The following SDK1 variants were observed in gnomAD, a reference collection of about 807,000 sequenced individuals.
SDK1 encodes the protein sidekick cell adhesion molecule 1.
Under a neutral mutation model 245.5 loss-of-function variants are expected in SDK1, and 157 were observed. The observed-to-expected ratio is 0.64, with a 90% CI of 0.56 to 0.73. The LOEUF (loss-of-function observed/expected upper bound fraction) is 0.73. Ranked by LOEUF, SDK1 falls within the 30% of genes least tolerant of loss-of-function variation. SDK1 has a pLI of 0.00. For missense variants in SDK1, 3,583 were observed against 3,002.3 expected (o/e 1.19, Z -4.52); for synonymous variants, 1,647 against 1,278.5 (o/e 1.29, Z -6.15).
intron 40 of SDK1, among the ~76,000 whole-genome samples, chr7:4,223,467 G>T (rs1159279838): frequency 6.6e-6 from 1 of 152,214 alleles, no homozygotes; most frequent in African/African-American, 2.4e-5. Context: ...GGGAGGATCT[G>T]TTTCCTGTAA....
chr7:3,872,039 A>T (rs1317872581), intron 5 of SDK1, among the ~76,000 whole-genome samples: 2 of 150,104 alleles, frequency 1.3e-5, no homozygotes, highest in African/African-American at 5.0e-5. Flanking sequence ...TCTTGCATCT[A>T]TTGAGATGAT....
intron 5 of SDK1, among the ~76,000 whole-genome samples, chr7:3,841,390 A>G (rs1256010406): frequency 6.6e-6 from 1 of 152,156 alleles, no homozygotes; most frequent in African/African-American, 2.4e-5. Flanking sequence ...GTTGCAGCTC[A>G]GGGCCCAGGA....
intron 1 of SDK1, among the ~76,000 whole-genome samples, chr7:3,465,318 C>T (rs1299582580): frequency 6.6e-6 from 1 of 152,068 alleles, no homozygotes; most frequent in African/African-American, 2.4e-5. Flanking sequence ...ATTTCCATAA[C>T]ACATACAAAT....
rs150686181 is a variant in SDK1 at position 3,927,098 on chromosome 7, C to G, written c.848-23825C>G. Among the ~76,000 whole-genome samples the G allele has an allele frequency of 9.8e-5, 15 of 152,294 alleles. No individual in the cohort carries two copies. In the East Asian group the frequency reaches 2.7e-3, roughly 27 times the overall value. ...GTGATGGGCAGGTAGGGCTGACACT[C>G]TGTTCTCCAGTGTAGATTTCATAGT... On this transcript the variant is annotated intron_variant, in intron 5 of 44. Coordinates refer to ENST00000404826, the MANE Select transcript of SDK1 (RefSeq NM_152744.4).
Position 4,177,698 on chromosome 7 carries a change from G to A in SDK1, c.4997-787G>A, listed in dbSNP as rs576270530. The stretch of plus-strand genomic sequence containing the variant: ...AGACAATTTTTCCATAGACCAGGTG[G>A]TAGGGGATGGTTTTGGGAGGATTCA... On this transcript the variant is annotated intron_variant, in intron 34 of 44. Coordinates refer to ENST00000404826, the MANE Select transcript of SDK1 (RefSeq NM_152744.4). 9.3e-4 allele frequency among the ~76,000 whole-genome samples: 142 copies of A among 152,236 alleles called. 1 individual carries two copies. Among genetic ancestry groups the A allele is most frequent in the Non-Finnish European group, 1.9e-3 (128 of 68,044 alleles).
intron 1 of SDK1, among the ~76,000 whole-genome samples, chr7:3,497,675 A>T (rs953585665): frequency 6.6e-6 from 1 of 152,228 alleles, no homozygotes; most frequent in Non-Finnish European, 1.5e-5. Flanking sequence ...AGTAAGATGG[A>T]GTAAAAGAGG....
intron 1 of SDK1, among the ~76,000 whole-genome samples, chr7:3,334,299 C>CT (rs1271952448): frequency 2.6e-5 from 4 of 152,180 alleles, no homozygotes; most frequent in African/African-American, 9.7e-5. Context: ...GACTTGTTTG[C>CT]TGATGAAAGC....
At chr7:3,645,023 C>G (rs139171861) in intron 4 of SDK1, among the ~76,000 whole-genome samples, 1 of 152,198 alleles carries the variant, frequency 6.6e-6, no homozygotes, top group African/African-American at 2.4e-5. Context: ...TGGAAGAATT[C>G]TTTCAACTTA....
intron 28 of SDK1, among the ~76,000 whole-genome samples, chr7:4,139,691 A>T (rs942225196): frequency 4.5e-5 from 5 of 110,520 alleles, no homozygotes; most frequent in East Asian, 4.4e-4. Context: ...GTGTGTGTGT[A>T]TGTGTGTGTG....
chr7:3,553,486 C>A (rs765828020), intron 1 of SDK1, among the ~76,000 whole-genome samples: 35 of 152,248 alleles, frequency 2.3e-4, no homozygotes, highest in Non-Finnish European at 3.4e-4. Flanking sequence ...AGGACTGACA[C>A]AATGGCAGGG....
chr7:4,264,640 A>G (rs1400808433), intron 44 of SDK1, among the ~76,000 whole-genome samples: 1 of 127,852 alleles, frequency 7.8e-6, no homozygotes, highest in Non-Finnish European at 1.6e-5. Context: ...CTCCTGGGGT[A>G]AGGAAGGCCG....
chr7:3,675,405 C>G (rs958612019), intron 4 of SDK1, among the ~76,000 whole-genome samples: 1 of 152,126 alleles, frequency 6.6e-6, no homozygotes, highest in Non-Finnish European at 1.5e-5. Flanking sequence ...CTTAGCTAAT[C>G]TTTTTTTAGA....
intron 1 of SDK1, among the ~76,000 whole-genome samples, chr7:3,606,726 G>A (rs998393597): frequency 1.3e-5 from 2 of 152,028 alleles, no homozygotes; most frequent in African/African-American, 2.4e-5. Context: ...CTTCCTTGTT[G>A]AAAATTGCCA....
At chr7:3,753,603 A>C (rs904698933) in intron 4 of SDK1, among the ~76,000 whole-genome samples, 1 of 152,170 alleles carries the variant, frequency 6.6e-6, no homozygotes, top group Non-Finnish European at 1.5e-5. Flanking sequence ...TGGGAGCCTT[A>C]AGGGTGAACA....
chr7:3,744,895 C>G (rs1238233775), intron 4 of SDK1, among the ~76,000 whole-genome samples: 1 of 151,890 alleles, frequency 6.6e-6, no homozygotes, highest in East Asian at 1.9e-4. Context: ...TATAGTATAT[C>G]CAAAATAAAG....
chr7:3,588,987 G>A (rs984080715), intron 1 of SDK1, among the ~76,000 whole-genome samples: 10 of 152,216 alleles, frequency 6.6e-5, no homozygotes, highest in Non-Finnish European at 8.8e-5. Flanking sequence ...TTGACATGGA[G>A]CAGTGAATCA....
At chr7:3,878,854 T>A (rs73312080) in intron 5 of SDK1, among the ~76,000 whole-genome samples, 9 of 152,316 alleles carry the variant, frequency 5.9e-5, no homozygotes, top group African/African-American at 2.2e-4. Context: ...TTATTGGAAG[T>A]CTAACATGCA....
intron 4 of SDK1, among the ~76,000 whole-genome samples, chr7:3,698,533 A>T (rs1285742642): frequency 6.6e-6 from 1 of 152,178 alleles, no homozygotes; most frequent in Non-Finnish European, 1.5e-5. Context: ...GAGGCGTATA[A>T]GGAGCAGTCA....
At chr7:3,997,121 A>G (rs1047937159) in intron 14 of SDK1, among the ~76,000 whole-genome samples, 45 of 152,212 alleles carry the variant, frequency 3.0e-4, no homozygotes, top group African/African-American at 1.0e-3. Flanking sequence ...GTCACCATAG[A>G]TTAGGTTTTC....
Sources: allele counts gnomAD v4.1 joint callset (sites outside exome capture counted in the v4.1 genomes callset), GRCh38; gene constraint gnomAD v4.1.1; transcripts MANE v1.5; gene names NCBI Gene and HGNC (gene_info 2026-07-23, HGNC 2026-07-21).